ARHGEF17: variants seen among roughly 807,000 people sequenced by gnomAD.
ARHGEF17 encodes 164 kDa Rho-specific guanine-nucleotide exchange factor.
A neutral mutation model predicts 174.0 loss-of-function variants in ARHGEF17; 80 were observed. The observed-to-expected ratio is 0.46, with a 90% CI of 0.38 to 0.55. The LOEUF (loss-of-function observed/expected upper bound fraction) is 0.55, where lower values mean the gene tolerates loss of function less well. Among genes scored for constraint, ARHGEF17 ranks in the 20% least tolerant of loss-of-function variants. ARHGEF17 has a pLI of 0.00. For missense variants in ARHGEF17, 2,886 were observed against 2,839.7 expected (o/e 1.02, Z -0.37); for synonymous variants, 1,311 against 1,189.1 (o/e 1.10, Z -2.11).
chr11:73,367,768 G>C lies in ARHGEF17; in HGVS notation c.6180G>C (p.Leu2060=), dbSNP rs769291216. ...ACGACAGCACAAACCACCTCCTCCT[G>C]TGGAGGGTGTGACCCTGTCTGCCGT... The part of the protein sequence containing the change: ...GRDDSTNHLL[L]WRV The change falls in exon 21 of 21, where the codon CTG becomes CTC. Residue 2060 remains leucine (L), a synonymous_variant. Transcript: ENST00000263674. The C allele has an allele frequency of 1.4e-5, 22 of 1,612,372 alleles. No homozygotes were observed. The highest frequency in any genetic ancestry group is 1.9e-5 in the Non-Finnish European group (22 of 1,179,020).
chr11:73,323,721 C>A (rs1449606923), intron 1 of ARHGEF17, among the ~76,000 whole-genome samples: 2 of 152,248 alleles, frequency 1.3e-5, no homozygotes, highest in South Asian at 4.1e-4. Flanking sequence ...GAGGAATTTC[C>A]GAGGGAATGG....
intron 1 of ARHGEF17, among the ~76,000 whole-genome samples, chr11:73,336,875 T>C (rs979646709): frequency 1.3e-5 from 2 of 152,240 alleles, no homozygotes; most frequent in African/African-American, 4.8e-5. Context: ...TCATCTGGCC[T>C]GTCAGCTGGC....
chr11:73,338,337 C>G (rs545794655), intron 1 of ARHGEF17, among the ~76,000 whole-genome samples: 45 of 152,322 alleles, frequency 3.0e-4, no homozygotes, highest in African/African-American at 9.1e-4. Context: ...GCTCCAGGGC[C>G]TGCCTTCTTA....
chr11:73,331,294 G>T (rs1233549536), intron 1 of ARHGEF17, among the ~76,000 whole-genome samples: 1 of 152,206 alleles, frequency 6.6e-6, no homozygotes, highest in Non-Finnish European at 1.5e-5. Flanking sequence ...ATTAGAGGTA[G>T]AGAGATCTTA....
intron 1 of ARHGEF17, among the ~76,000 whole-genome samples, chr11:73,320,600 G>T (rs1865001242): frequency 7.4e-6 from 1 of 135,264 alleles, no homozygotes; most frequent in Non-Finnish European, 1.5e-5. Context: ...CCACACTCCA[G>T]CCTGGGTGAC....
chr11:73,365,204 C>G lies in ARHGEF17; in HGVS notation c.5551-186C>G. 1.6e-6 allele frequency: 1 copy of G among 632,172 alleles called. No individual in the cohort carries two copies. Among genetic ancestry groups the G allele is most frequent in the East Asian group, 2.8e-5 (1 of 36,168 alleles). 39.2% of individuals were successfully genotyped at this position (632,172 alleles called of 1,614,324 possible). A position where few individuals can be genotyped will look rare whatever the true frequency, so the allele number is the denominator to read the frequency against. ...ACTCAAGTTTAATGGGGAAAAAGCA[C>G]CTCCATTGTAATTCCTGAGAACTAA... On this transcript the variant is annotated intron_variant, in intron 18 of 20. Coordinates refer to ENST00000263674, the MANE Select transcript of ARHGEF17 (RefSeq NM_014786.4). The surrounding 1 kb of genome is among the most constrained non-coding windows in gnomAD (Gnocchi z 4.9).
chr11:73,356,488 C>T, intron 6 of ARHGEF17, 137 bp downstream of exon 6: 1 of 1,221,534 alleles, frequency 8.2e-7, no homozygotes, highest in African/African-American at 1.5e-5. Flanking sequence ...GCATCCATGT[C>T]TGCCAGCCTC....
chr11:73,329,359 ATATATATATATATAT>A (rs1376992063), intron 1 of ARHGEF17, among the ~76,000 whole-genome samples: 30 of 2,700 alleles, frequency 0.011, 3 homozygotes, highest in East Asian at 0.073. Context: ...ATATATATAT[ATATATATATATATAT>A]TTTTTTTTTT....
intron 2 of ARHGEF17, among the ~76,000 whole-genome samples, chr11:73,348,990 G>T (rs990173893): frequency 6.6e-6 from 1 of 152,158 alleles, no homozygotes; most frequent in Non-Finnish European, 1.5e-5. Context: ...AGGCCAGGAG[G>T]CTGGAAGGAA....
chr11:73,346,006 G>A (rs369845213), intron 1 of ARHGEF17, among the ~76,000 whole-genome samples: 152 of 152,072 alleles, frequency 1.0e-3, no homozygotes, highest in African/African-American at 3.5e-3. Context: ...GGAGCAGCAG[G>A]TAAGTTCAGT....
At chr11:73,337,152 G>A (rs1251986898) in intron 1 of ARHGEF17, among the ~76,000 whole-genome samples, 2 of 152,216 alleles carry the variant, frequency 1.3e-5, no homozygotes, top group Non-Finnish European at 2.9e-5. Flanking sequence ...TGGGCCAGGC[G>A]CAGTGGCTCG....
At position 73,367,618 on chromosome 11, in the gene ARHGEF17, C is replaced by T; in HGVS notation, c.6030C>T (p.Asp2010=). Residue 2010 remains aspartate (D), a synonymous_variant, in exon 21 of 21, where the codon GAC becomes GAT. Transcript: ENST00000263674. ...AGCTGCCATCACTGGAGCACCGGGA[C>T]TCCCCTTGGCACCGAGGCCCCGCCC... is the stretch of plus-strand genomic sequence containing the variant. ...PEKLPSLEHR[D]SPWHRGPAPA... The T allele has an allele frequency of 6.2e-7, 1 of 1,613,752 alleles. No homozygotes were observed. The highest frequency in any genetic ancestry group is 8.5e-7 in the Non-Finnish European group (1 of 1,179,846).
chr11:73,335,582 A>G (rs1865273927), intron 1 of ARHGEF17, among the ~76,000 whole-genome samples: 2 of 151,946 alleles, frequency 1.3e-5, no homozygotes, highest in Non-Finnish European at 2.9e-5. Context: ...AAAACCCACC[A>G]GTTAAATTCA....
chr11:73,335,729 A>G (rs1865276722), intron 1 of ARHGEF17, among the ~76,000 whole-genome samples: 1 of 152,178 alleles, frequency 6.6e-6, no homozygotes, highest in Non-Finnish European at 1.5e-5. Flanking sequence ...TCAGGAAGGA[A>G]GGTCAAGCTG....
intron 2 of ARHGEF17, 62 bp from the exon 3 acceptor site, chr11:73,352,768 G>T: frequency 2.5e-6 from 4 of 1,590,878 alleles, no homozygotes; most frequent in Non-Finnish European, 3.4e-6. Context: ...CAGGGGCCCT[G>T]TGTAGGTGTG....
intron 1 of ARHGEF17, among the ~76,000 whole-genome samples, chr11:73,314,637 C>T (rs1457463344): frequency 5.3e-5 from 8 of 152,180 alleles, no homozygotes; most frequent in African/African-American, 1.7e-4. Flanking sequence ...GCTGCATGAA[C>T]CCAGGAGAAC....
chr11:73,343,665 C>T (rs1036947228), intron 1 of ARHGEF17, among the ~76,000 whole-genome samples: 1 of 152,134 alleles, frequency 6.6e-6, no homozygotes, highest in African/African-American at 2.4e-5. Context: ...CTCTCCCTGC[C>T]GCTGGGCCTG....
At chr11:73,355,179 A>G (rs1865616067) in intron 3 of ARHGEF17, among the ~76,000 whole-genome samples, 2 of 152,342 alleles carry the variant, frequency 1.3e-5, no homozygotes, top group South Asian at 2.1e-4. Flanking sequence ...GAATGGGGAA[A>G]GGGAGACCTG....
At chr11:73,349,363 C>T (rs1865516035) in intron 2 of ARHGEF17, among the ~76,000 whole-genome samples, 1 of 152,182 alleles carries the variant, frequency 6.6e-6, no homozygotes, top group Admixed American at 6.5e-5. Flanking sequence ...ACCTCTAATC[C>T]CAGCACTTTG....
Sources: gnomAD v4.1 joint callset for allele counts (sites outside exome capture counted in the v4.1 genomes callset) on GRCh38, gnomAD v4.1.1 for gene constraint, Gnocchi (gnomAD v3.1) non-coding constraint, MANE v1.5 for transcripts, NCBI Gene and HGNC (gene_info 2026-07-23, HGNC 2026-07-21) for gene names.